Variants in RAD51B observed in about 807,000 individuals in gnomAD.
RAD51B encodes the protein RAD51 paralog B.
A neutral mutation model predicts 42.2 loss-of-function variants in RAD51B; 38 were observed. The observed-to-expected ratio is 0.90, with a 90% CI of 0.70 to 1.18. RAD51B has a LOEUF of 1.18. RAD51B is among the 50% of genes most tolerant of loss of function. RAD51B has a pLI of 0.00. For synonymous variants in RAD51B, 154 were observed against 145.2 expected, an observed-to-expected ratio of 1.06 and a Z score of -0.43; for missense variants, 373 against 400.7, an observed-to-expected ratio of 0.93 and a Z score of 0.59.
intron 10 of RAD51B, among the ~76,000 whole-genome samples, chr14:68,625,375 G>A (rs371469981): frequency 3.3e-5 from 5 of 152,108 alleles, no homozygotes; most frequent in African/African-American, 1.2e-4. Context: ...AATGTTTATT[G>A]GCAGAATGAA....
rs148215769 is a variant in RAD51B at position 68,668,894 on chromosome 14, A to G, written c.*11+18038A>G. 1.2e-3 allele frequency among the ~76,000 whole-genome samples: 189 copies of G among 152,390 alleles called. 3 individuals are homozygous for G. The East Asian group carries it at 0.032, about 25-fold the overall frequency. On this transcript the variant is annotated intron_variant, in intron 11 of 11. Coordinates refer to the RAD51B transcript ENST00000488612. ...CCCAAGAAAAGTCTAAAACTGGTAA[A>G]GTAATTGAACCAAGATGGGTTTTCC...
intron 7 of RAD51B, among the ~76,000 whole-genome samples, chr14:68,280,847 A>G (rs897685501): frequency 2.0e-5 from 3 of 152,086 alleles, no homozygotes; most frequent in African/African-American, 7.2e-5. Context: ...TGACCCTTGG[A>G]GTTTGAGACC....
At chr14:68,175,958 G>A (rs1732538558) in intron 7 of RAD51B, among the ~76,000 whole-genome samples, 1 of 152,140 alleles carries the variant, frequency 6.6e-6, no homozygotes, top group Non-Finnish European at 1.5e-5. Context: ...TCATCAAGAT[G>A]TTGCCTCTCT....
chr14:68,206,104 G>T (rs2079579416), intron 7 of RAD51B, among the ~76,000 whole-genome samples: 1 of 152,022 alleles, frequency 6.6e-6, no homozygotes, highest in Non-Finnish European at 1.5e-5. Context: ...TTATGACTTT[G>T]TCAGTTTTAA....
At chr14:67,894,458 G>T (rs538717117) in intron 7 of RAD51B, among the ~76,000 whole-genome samples, 11 of 152,070 alleles carry the variant, frequency 7.2e-5, no homozygotes, top group Non-Finnish European at 1.6e-4. Flanking sequence ...TACAGCACTT[G>T]TGTCCAAAAC....
At chr14:68,638,275 T>G (rs1385105730) in intron 10 of RAD51B, among the ~76,000 whole-genome samples, 2 of 152,118 alleles carry the variant, frequency 1.3e-5, no homozygotes, top group Non-Finnish European at 2.9e-5. Flanking sequence ...TAGGAGTGGG[T>G]GGGGACCTTC....
intron 8 of RAD51B, among the ~76,000 whole-genome samples, chr14:68,315,887 C>T (rs11628954): frequency 0.5 from 75,225 of 151,956 alleles, 21,452 homozygotes; most frequent in South Asian, 0.65. Flanking sequence ...CAAGTCACTG[C>T]CCCCCAGAGT....
chr14:68,638,527 G>A (rs1402748144), intron 10 of RAD51B, among the ~76,000 whole-genome samples: 3 of 152,144 alleles, frequency 2.0e-5, no homozygotes, highest in Non-Finnish European at 4.4e-5. Context: ...AGCTGGTTGT[G>A]TACACTCTGC....
chr14:67,925,603 G>A (rs1449994744), intron 7 of RAD51B, among the ~76,000 whole-genome samples: 2 of 152,086 alleles, frequency 1.3e-5, no homozygotes, highest in African/African-American at 4.8e-5. Context: ...GGAGGATGGT[G>A]GCCATCTTCT....
chr14:68,037,671 A>G (rs959296176), intron 7 of RAD51B, among the ~76,000 whole-genome samples: 5 of 152,204 alleles, frequency 3.3e-5, no homozygotes, highest in Admixed American at 1.3e-4. Context: ...AAATGTTGCA[A>G]TTTTTGTAAA....
chr14:67,869,071 A>G (rs2042430333), intron 5 of RAD51B, among the ~76,000 whole-genome samples: 1 of 152,264 alleles, frequency 6.6e-6, no homozygotes, highest in African/African-American at 2.4e-5. Context: ...CAGCAACGGA[A>G]CAAAGCTGGA....
At chr14:68,184,625 C>CAAAAAAAAAA (rs3073458) in intron 7 of RAD51B, among the ~76,000 whole-genome samples, 2 of 132,388 alleles carry the variant, frequency 1.5e-5, no homozygotes, top group African/African-American at 2.9e-5. Flanking sequence ...AAAAAAAAAC[C>CAAAAAAAAAA]AAAAAAAAAA....
At chr14:68,444,864 T>C (rs2085386737) in intron 9 of RAD51B, among the ~76,000 whole-genome samples, 2 of 152,168 alleles carry the variant, frequency 1.3e-5, no homozygotes, top group Non-Finnish European at 2.9e-5. Flanking sequence ...AAATAACAGA[T>C]CCCTCAGTAC....
At position 68,030,553 on chromosome 14, in the gene RAD51B, G is replaced by A. The variant is rs553764917; in HGVS notation, c.756+143349G>A. 2.6e-5 allele frequency among the ~76,000 whole-genome samples: 4 copies of A among 152,314 alleles called. No homozygotes were observed. In the East Asian group the frequency reaches 7.7e-4, roughly 29 times the overall value. On this transcript the variant is annotated intron_variant, in intron 7 of 10. Coordinates refer to ENST00000471583, the MANE Select transcript of RAD51B (RefSeq NM_133510.4). ...CTCAGCCTTCATAGAATTGAAGACA[G>A]TTATGGACTTGCTCTGAATTAGGCT...
intron 7 of RAD51B, among the ~76,000 whole-genome samples, chr14:68,149,301 T>C (rs1224703360): frequency 1.3e-5 from 2 of 152,200 alleles, no homozygotes; most frequent in Non-Finnish European, 2.9e-5. Flanking sequence ...GATTTTTTTC[T>C]ATGTTATCGT....
At chr14:67,964,728 A>G (rs1489275646) in intron 7 of RAD51B, among the ~76,000 whole-genome samples, 1 of 152,156 alleles carries the variant, frequency 6.6e-6, no homozygotes, top group Non-Finnish European at 1.5e-5. Flanking sequence ...AACAAGAAAG[A>G]GAATTAGAGT....
chr14:68,519,156 C>T (rs1886393331), intron 10 of RAD51B, among the ~76,000 whole-genome samples: 1 of 152,194 alleles, frequency 6.6e-6, no homozygotes, highest in African/African-American at 2.4e-5. Flanking sequence ...CCTCCAGAGC[C>T]AGTTGTTAAA....
intron 7 of RAD51B, among the ~76,000 whole-genome samples, chr14:68,160,766 T>C (rs2078621092): frequency 6.6e-6 from 1 of 152,170 alleles, no homozygotes. Context: ...CTTCTGGCAA[T>C]AAAATAAAAT....
At chr14:68,155,992 A>G (rs2078496087) in intron 7 of RAD51B, among the ~76,000 whole-genome samples, 1 of 152,226 alleles carries the variant, frequency 6.6e-6, no homozygotes, top group Non-Finnish European at 1.5e-5. Context: ...AGTAAGAACT[A>G]GATAATATCT....
Sources: allele counts gnomAD v4.1 joint callset (sites outside exome capture counted in the v4.1 genomes callset), GRCh38; gene constraint gnomAD v4.1.1; transcripts MANE v1.5; gene names NCBI Gene and HGNC (gene_info 2026-07-23, HGNC 2026-07-21).